The following SLC25A17 variants were observed in gnomAD, a reference collection of about 807,000 sequenced individuals.
SLC25A17 encodes peroxisomal membrane protein PMP34.
Under a neutral mutation model 38.5 loss-of-function variants are expected in SLC25A17, and 26 were observed. The ratio of observed to expected loss-of-function variants is 0.68; its 90% CI spans 0.50 to 0.94. The LOEUF (loss-of-function observed/expected upper bound fraction) is 0.94. Among genes scored for constraint, SLC25A17 ranks in the 40% least tolerant of loss-of-function variants. The pLI is 0.00. For missense variants in SLC25A17, 333 were observed against 372.7 expected, an observed-to-expected ratio of 0.89 and a Z score of 0.88; for synonymous variants, 139 against 136.2, an observed-to-expected ratio of 1.02 and a Z score of -0.14.
Position 40,777,244 on chromosome 22 carries a change from A to G in SLC25A17, c.581T>C (p.Leu194Ser). 1 of 1,614,082 alleles carries G rather than the reference A, an allele frequency of 6.2e-7. No homozygotes were observed. Residue 194 changes from leucine to serine, a missense_variant, in exon 6 of 9, where the codon TTA becomes TCA. By Grantham distance (145) the Leu-to-Ser change is moderately radical. Transcript: ENST00000435456. ...MFYEGLKRQL[L>S]KKRMKLSSLD... Reference sequence around the variant, plus strand: ...AAGGATTACCTTCATCCGTTTCTTTAAAAGCTGCCGTTTTAAACCTTCATA... The same window carrying G: ...AAGGATTACCTTCATCCGTTTCTTTGAAAGCTGCCGTTTTAAACCTTCATA...
intron 4 of SLC25A17, among the ~76,000 whole-genome samples, chr22:40,787,919 T>C (rs1443763668): frequency 6.6e-6 from 1 of 152,186 alleles, no homozygotes. Flanking sequence ...ATTTAATGCA[T>C]TTACTTTTGT....
intron 4 of SLC25A17, among the ~76,000 whole-genome samples, chr22:40,792,090 T>C (rs976981189): frequency 2.6e-5 from 4 of 152,172 alleles, no homozygotes; most frequent in African/African-American, 9.7e-5. Context: ...CTGTATGGCA[T>C]GGATGAAAGT....
At chr22:40,787,947 G>A (rs551000430) in intron 4 of SLC25A17, among the ~76,000 whole-genome samples, 1 of 152,180 alleles carries the variant, frequency 6.6e-6, no homozygotes. Flanking sequence ...ATAGAGATGG[G>A]GTCTCGCTAT....
In SLC25A17 at chr22:40,769,866, C is replaced by T. The variant is rs984783131; in HGVS notation, c.*968G>A. The T allele has an allele frequency of 6.6e-6, 1 of 152,098 alleles. No homozygotes were observed. Among genetic ancestry groups the T allele is most frequent in the Non-Finnish European group, 1.5e-5 (1 of 68,030 alleles). 9.4% of individuals were successfully genotyped at this position (152,098 alleles called of 1,614,324 possible). On this transcript the variant is annotated 3_prime_UTR_variant, in exon 9 of 9. Coordinates refer to ENST00000435456, the MANE Select transcript of SLC25A17 (RefSeq NM_006358.4). ...TGTGGCAGTACTACCGTCTGATGGACCACACTGAGCAACAGGACTCTAAGG... is the reference window on the plus strand; with the variant it reads ...TGTGGCAGTACTACCGTCTGATGGATCACACTGAGCAACAGGACTCTAAGG...
rs755414342 is a variant in SLC25A17, at chr22:40,777,130, A to G, written c.603T>C (p.Ser201=). The G allele has an allele frequency of 1.2e-6, 2 of 1,614,094 alleles. No individual in the cohort carries two copies. The highest frequency in any genetic ancestry group is 2.7e-5 in the African/African-American group (2 of 74,926). Residue 201 remains serine (S), a synonymous_variant, in exon 7 of 9, where the codon TCT becomes TCC. Transcript: ENST00000435456. ...RQLLKKRMKL[S]SLDVFIIGAV... is the part of the protein sequence containing the mutation. ...CACCAATGATGAACACATCCAAGGA[A>G]GAAAGCTGGAAAGCAAAGGAAGAAC...
At chr22:40,771,669 C>T (rs961651463) in intron 8 of SLC25A17, among the ~76,000 whole-genome samples, 1 of 151,962 alleles carries the variant, frequency 6.6e-6, no homozygotes, top group African/African-American at 2.4e-5. Context: ...AACAATTGAA[C>T]TCATGGAGAT....
Position 40,787,944 on chromosome 22 carries a change from T to C in SLC25A17, c.334+4581A>G, listed in dbSNP as rs146380456. 7.0e-4 allele frequency among the ~76,000 whole-genome samples: 106 copies of C among 152,308 alleles called. 2 individuals carry two copies. The East Asian group carries it at 0.018, about 26-fold the overall frequency. On this transcript the variant is annotated intron_variant, in intron 4 of 8. Transcript: ENST00000435456. The stretch of plus-strand genomic sequence containing the variant: ...TTTACTTTTGTTTTATTTATAGAGA[T>C]GGGGTCTCGCTATGTTGCCGAGATT...
At chr22:40,817,859 G>C (rs2057658283) in intron 1 of SLC25A17, among the ~76,000 whole-genome samples, 1 of 152,118 alleles carries the variant, frequency 6.6e-6, no homozygotes, top group South Asian at 2.1e-4. Context: ...GGAAACACAG[G>C]CCTCCATGCC....
At chr22:40,779,488 A>T in intron 4 of SLC25A17, 2 of 486,294 alleles carry the variant, frequency 4.1e-6, no homozygotes, top group Non-Finnish European at 7.3e-6. Context: ...AGTGGCTTAC[A>T]GCTAACATGC....
chr22:40,810,310 C>T (rs375172246), intron 1 of SLC25A17, among the ~76,000 whole-genome samples: 29 of 151,112 alleles, frequency 1.9e-4, no homozygotes, highest in Middle Eastern at 6.8e-3. Flanking sequence ...CACTAAGCTT[C>T]AACAATTAAC....
Position 40,789,728 on chromosome 22 carries a change from G to A in SLC25A17, c.334+2797C>T, listed in dbSNP as rs1157072834. Among the ~76,000 whole-genome samples, 1 of 151,762 alleles carries A rather than the reference G, an allele frequency of 6.6e-6. No homozygotes were observed. Among genetic ancestry groups the A allele is most frequent in the African/African-American group, 2.4e-5 (1 of 41,330 alleles). On this transcript the variant is annotated intron_variant, in intron 4 of 8. Coordinates refer to ENST00000435456, the MANE Select transcript of SLC25A17 (RefSeq NM_006358.4). This position sits in a 1 kb window ranked among gnomAD's most constrained non-coding sequence, Gnocchi z 4.5. The stretch of plus-strand genomic sequence containing the variant: ...TCACCATGTAGGCTAGGCTGTTCTC[G>A]AACTCCTGACCTCAGGTGATACACC...
At chr22:40,782,553 G>A (rs908156677) in intron 4 of SLC25A17, among the ~76,000 whole-genome samples, 5 of 152,284 alleles carry the variant, frequency 3.3e-5, no homozygotes, top group Non-Finnish European at 7.4e-5. Context: ...AGTCTCCTTT[G>A]TTACGGAGAG....
intron 4 of SLC25A17, among the ~76,000 whole-genome samples, chr22:40,785,325 A>G (rs1231387583): frequency 1.3e-5 from 2 of 152,260 alleles, no homozygotes. Flanking sequence ...CGGAGGTTGC[A>G]GTGAGCGGAG....
rs71200615 is a variant in SLC25A17 at position 40,775,436 on chromosome 22, GTTTTTTTTTTTTTTTTTTT to G, written c.694-1436_694-1418del. ...TGAATAAGTCTCATGAGATCTGATGGTTTTTTTTTTTTTTTTTTTTTTTTTTTTTTTTTTTTTTGAGACG... is the reference window on the plus strand; with the variant it reads ...TGAATAAGTCTCATGAGATCTGATGGTTTTTTTTTTTTTTTTTTTGAGACG... On this transcript the variant is annotated intron_variant, in intron 7 of 8. Coordinates refer to ENST00000435456, the MANE Select transcript of SLC25A17 (RefSeq NM_006358.4). 1.2e-3 allele frequency among the ~76,000 whole-genome samples: 108 copies of G among 86,850 alleles called. 2 individuals are homozygous for G. Among genetic ancestry groups the G allele is most frequent in the African/African-American group, 4.5e-3 (100 of 22,158 alleles). The allele number at this position is 86,850 out of a possible 152,430, so 57.0% of individuals were successfully genotyped here.
intron 4 of SLC25A17, chr22:40,788,998 A>G (rs2057362084): frequency 3.1e-6 from 1 of 321,496 alleles, no homozygotes. Context: ...GAAGGTATGC[A>G]TGGTATGTGT....
intron 7 of SLC25A17, among the ~76,000 whole-genome samples, chr22:40,776,580 A>T (rs1318484049): frequency 6.6e-6 from 1 of 152,206 alleles, no homozygotes. Flanking sequence ...CAGCCAGCCT[A>T]GTTAAGCAGA....
intron 1 of SLC25A17, among the ~76,000 whole-genome samples, chr22:40,818,654 C>A (rs4599224): frequency 1.4e-5 from 2 of 143,174 alleles, no homozygotes; most frequent in Admixed American, 7.4e-5. Flanking sequence ...TGCAGTGAGT[C>A]GTGATCGCGC....
intron 4 of SLC25A17, among the ~76,000 whole-genome samples, chr22:40,783,868 G>C (rs2057314660): frequency 1.3e-5 from 2 of 152,134 alleles, no homozygotes; most frequent in South Asian, 2.1e-4. Context: ...ACCACACCCA[G>C]TTAATTTTTG....
At chr22:40,818,289 T>C (rs1440046289) in intron 1 of SLC25A17, among the ~76,000 whole-genome samples, 1 of 151,346 alleles carries the variant, frequency 6.6e-6, no homozygotes. Flanking sequence ...AAGCCAAAAG[T>C]GGAAAGTTTT....
Sources: gnomAD v4.1 joint callset for allele counts (sites outside exome capture counted in the v4.1 genomes callset) on GRCh38, gnomAD v4.1.1 for gene constraint, Gnocchi (gnomAD v3.1) non-coding constraint, MANE v1.5 for transcripts, NCBI Gene and HGNC (gene_info 2026-07-23, HGNC 2026-07-21) for gene names.